KIF15: variants seen among roughly 807,000 people sequenced by gnomAD.
KIF15 encodes kinesin-like protein KIF15.
In KIF15, 140 loss-of-function variants were observed where a neutral mutation model predicts 190.6. The ratio of observed to expected loss-of-function variants is 0.73; its 90% CI spans 0.64 to 0.84. KIF15 has a LOEUF of 0.84. Ranked by LOEUF, KIF15 falls within the 40% of genes least tolerant of loss-of-function variation. The probability of loss-of-function intolerance (pLI) is 0.00; values close to 1 mark genes in which losing one functional copy is unlikely to be tolerated. For synonymous variants in KIF15, 528 were observed against 551.3 expected (o/e 0.96, Z 0.59); for missense variants, 1,372 against 1,584.4 (o/e 0.87, Z 2.28).
intron 4 of KIF15, among the ~76,000 whole-genome samples, chr3:44,778,463 G>T (rs1385171321): frequency 6.6e-6 from 1 of 152,154 alleles, no homozygotes; most frequent in Non-Finnish European, 1.5e-5. Context: ...TTAGCTTACA[G>T]CCCTGTTTAT....
At chr3:44,841,340 C>G in intron 29 of KIF15, 102 bp downstream of exon 29, 1 of 804,838 alleles carries the variant, frequency 1.2e-6, no homozygotes, top group Non-Finnish European at 2.0e-6. Context: ...CCTCAGCCAC[C>G]CAGTATCTGG....
At chr3:44,861,598 GGGAGCCGGGTGGCCGGGAT>G (rs1018325378) in intron 6 of KIF15, among the ~76,000 whole-genome samples, 1 of 152,206 alleles carries the variant, frequency 6.6e-6, no homozygotes, top group Admixed American at 6.5e-5. Flanking sequence ...AAGTTTCACC[GGGAGCCGGGTGGCCGGGAT>G]GGAGACGGCT....
intron 1 of KIF15, among the ~76,000 whole-genome samples, chr3:44,765,694 G>GCTA (rs1238829948): frequency 4.6e-5 from 7 of 152,138 alleles, no homozygotes; most frequent in African/African-American, 1.7e-4. Flanking sequence ...CTCCAGTGTA[G>GCTA]CTACTCCTAA....
rs1705820885 is a variant in KIF15, at chr3:44,775,276, GTT to G, written c.89_90del (p.Phe30CysfsTer14). ...QPSNEGDAIKVFVRIRPPAER... is the reference protein window; with the variant it reads ...QPSNEGDAIKXFVRIRPPAER... ...TAGTAATGAAGGTGATGCCATCAAA[GTT>G]TTTGTGCGAATTCGTCCTCCTGCAG... On this transcript the variant is annotated frameshift_variant, in exon 3 of 35. Coordinates refer to ENST00000326047, the MANE Select transcript of KIF15 (RefSeq NM_020242.3). LOFTEE classifies it high-confidence loss of function. 6.2e-7 allele frequency: 1 copy of G among 1,613,594 alleles called. No individual in the cohort carries two copies. Among genetic ancestry groups the G allele is most frequent in the African/African-American group, 1.3e-5 (1 of 74,848 alleles).
chr3:44,867,749 G>A (rs1290461786), intron 6 of KIF15, among the ~76,000 whole-genome samples: 1 of 152,166 alleles, frequency 6.6e-6, no homozygotes, highest in African/African-American at 2.4e-5. Flanking sequence ...AAAGCAGGAA[G>A]ATACAACTCT....
chr3:44,857,255 C>T (rs947680660), downstream of KIF15, among the ~76,000 whole-genome samples: 6 of 152,012 alleles, frequency 3.9e-5, no homozygotes, highest in South Asian at 6.3e-4. Flanking sequence ...CTGAAGGAGT[C>T]GGGAAGCAGA....
At chr3:44,808,197 T>C (rs1020575390) in intron 16 of KIF15, among the ~76,000 whole-genome samples, 4 of 152,230 alleles carry the variant, frequency 2.6e-5, no homozygotes, top group African/African-American at 9.6e-5. Context: ...CTGCCAAATG[T>C]TTTATAATTC....
chr3:44,823,398 G>T (rs1384515748), intron 20 of KIF15, among the ~76,000 whole-genome samples: 1 of 152,152 alleles, frequency 6.6e-6, no homozygotes, highest in African/African-American at 2.4e-5. Flanking sequence ...TCCCAGAGGG[G>T]CACCCACCTG....
At chr3:44,840,972 C>G in intron 28 of KIF15, 102 bp from the exon 29 acceptor site, 2 of 1,137,684 alleles carry the variant, frequency 1.8e-6, no homozygotes. Context: ...CCATGCCCAG[C>G]CGTAGCTAGA....
intron 20 of KIF15, among the ~76,000 whole-genome samples, chr3:44,820,862 C>T (rs1270123115): frequency 1.4e-4 from 22 of 152,290 alleles, no homozygotes; most frequent in African/African-American, 2.2e-4. Flanking sequence ...AATGAGCTGC[C>T]GGGCACACCT....
At chr3:44,857,958 A>T (rs1699204594), downstream of KIF15, among the ~76,000 whole-genome samples, 1 of 152,230 alleles carries the variant, frequency 6.6e-6, no homozygotes, top group Admixed American at 6.5e-5. Flanking sequence ...GGTCATCAAT[A>T]TATTGAATAA....
At chr3:44,823,502 C>T (rs1251052672) in intron 20 of KIF15, among the ~76,000 whole-genome samples, 1 of 152,212 alleles carries the variant, frequency 6.6e-6, no homozygotes, top group African/African-American at 2.4e-5. Flanking sequence ...TGTCCATTCT[C>T]AGTGCTCAAA....
chr3:44,795,515 A>T lies in KIF15; in HGVS notation c.849+1089A>T, dbSNP rs540738420. Among the ~76,000 whole-genome samples, 11 of 152,310 alleles carry T rather than the reference A, an allele frequency of 7.2e-5. No individual in the cohort carries two copies. The South Asian group carries it at 2.3e-3, about 32-fold the overall frequency. On this transcript the variant is annotated intron_variant, in intron 8 of 34. Transcript: ENST00000326047. The stretch of plus-strand genomic sequence containing the variant: ...AAGCCTGTTTTATAGAAACTTAGTC[A>T]TCTGACCCACTGCTGTTAAGATTTT...
intron 20 of KIF15, among the ~76,000 whole-genome samples, chr3:44,821,111 G>A (rs1708266148): frequency 6.8e-6 from 1 of 147,738 alleles, no homozygotes; most frequent in South Asian, 2.1e-4. Flanking sequence ...CGGACCGGGC[G>A]GCTGGCCGGG....
At chr3:44,858,359 A>G (rs1298336824) in intron 6 of KIF15, among the ~76,000 whole-genome samples, 1 of 152,242 alleles carries the variant, frequency 6.6e-6, no homozygotes, top group African/African-American at 2.4e-5. Context: ...TTAGAAGCCC[A>G]TGCTGTAGCA....
At chr3:44,854,890 C>T (rs1699170433), downstream of KIF15, among the ~76,000 whole-genome samples, 1 of 152,162 alleles carries the variant, frequency 6.6e-6, no homozygotes, top group African/African-American at 2.4e-5. Flanking sequence ...CTAAGGATCT[C>T]ATCTTAATTT....
At chr3:44,864,955 C>A in intron 6 of KIF15, 1 of 1,567,390 alleles carries the variant, frequency 6.4e-7, no homozygotes. Flanking sequence ...CCTCCTGGCA[C>A]CCTTAGAAGG....
At chr3:44,865,410 C>T (rs772660640) in intron 6 of KIF15, 1 of 534,952 alleles carries the variant, frequency 1.9e-6, no homozygotes, top group Non-Finnish European at 3.3e-6. Context: ...GATTCTTCCT[C>T]CCAGGCCTAC....
intron 20 of KIF15, among the ~76,000 whole-genome samples, chr3:44,817,672 C>T (rs146753246): frequency 0.072 from 10,949 of 152,134 alleles, 465 homozygotes; most frequent in African/African-American, 0.11. Flanking sequence ...AGTCAGGTAG[C>T]GTGATGCCTC....
Sources: allele counts gnomAD v4.1 joint callset (sites outside exome capture counted in the v4.1 genomes callset), GRCh38; gene constraint gnomAD v4.1.1; transcripts MANE v1.5; gene names NCBI Gene and HGNC (gene_info 2026-07-23, HGNC 2026-07-21).